TRPC3: variants seen among roughly 807,000 people sequenced by gnomAD.
TRPC3 encodes the protein transient receptor potential cation channel subfamily C member 3.
In TRPC3, 54 loss-of-function variants were observed where a neutral mutation model predicts 90.9. The ratio of observed to expected loss-of-function variants is 0.59; its 90% CI spans 0.48 to 0.75. The LOEUF (loss-of-function observed/expected upper bound fraction) is 0.75, where lower values mean the gene tolerates loss of function less well. TRPC3 is among the 30% of genes least tolerant of loss of function. TRPC3 has a pLI of 0.00. For synonymous variants in TRPC3, 424 were observed against 450.9 expected, an observed-to-expected ratio of 0.94 and a Z score of 0.75; for missense variants, 918 against 1,194.5, an observed-to-expected ratio of 0.77 and a Z score of 3.41.
At chr4:121,949,941 T>G (rs1730627563) in intron 1 of TRPC3, among the ~76,000 whole-genome samples, 1 of 152,146 alleles carries the variant, frequency 6.6e-6, no homozygotes, top group African/African-American at 2.4e-5. Context: ...TAGTCAGGAT[T>G]TAAGGTTTTT....
intron 3 of TRPC3, among the ~76,000 whole-genome samples, chr4:121,921,820 G>A (rs1034816752): frequency 2.0e-5 from 3 of 152,024 alleles, no homozygotes; most frequent in African/African-American, 7.2e-5. Flanking sequence ...AAAGGAAGCA[G>A]CAGGAGTGGG....
chr4:121,891,645 C>G (rs1370930532), intron 10 of TRPC3, among the ~76,000 whole-genome samples: 3 of 152,148 alleles, frequency 2.0e-5, no homozygotes, highest in African/African-American at 2.4e-5. Flanking sequence ...TTCCTCTCCC[C>G]CTCCCAGATT....
intron 2 of TRPC3, among the ~76,000 whole-genome samples, chr4:121,928,030 G>A (rs992770562): frequency 6.6e-6 from 1 of 151,988 alleles, no homozygotes; most frequent in Non-Finnish European, 1.5e-5. Context: ...CTTCAGTTCA[G>A]ACTGTTCTGT....
Position 121,925,103 on chromosome 4 carries a change from A to C in TRPC3, c.1091T>G (p.Leu364Arg), listed in dbSNP as rs1388924258. ...TACCTCCAGAGGCTCTGCTGATTCC[A>C]GATCTCCATTCAGAATGGCTTCTAC... ...EEVEAILNGD[L>R]ESAEPLEVHR... Residue 364 changes from leucine (L) to arginine (R), a missense_variant, in exon 3 of 12, where the codon CTG (leucine) becomes CGG (arginine). By Grantham distance (102) the Leu-to-Arg change is moderately radical. Coordinates refer to ENST00000379645, the MANE Select transcript of TRPC3 (RefSeq NM_001130698.2). 2 of 1,614,136 alleles carry C rather than the reference A, an allele frequency of 1.2e-6. No homozygotes were observed. The highest frequency in any genetic ancestry group is 3.3e-5 in the Admixed American group (2 of 60,020).
chr4:121,948,850 TG>T (rs76932992), intron 1 of TRPC3, among the ~76,000 whole-genome samples: 3 of 137,138 alleles, frequency 2.2e-5, no homozygotes, highest in African/African-American at 2.7e-5. Context: ...GTTTTTTTTT[TG>T]TTTTTTTGTT....
intron 3 of TRPC3, among the ~76,000 whole-genome samples, chr4:121,918,515 C>G (rs956776560): frequency 1.3e-5 from 2 of 152,178 alleles, no homozygotes; most frequent in Non-Finnish European, 2.9e-5. Flanking sequence ...CTCAATCCTT[C>G]CCATATGGCA....
At chr4:121,921,521 C>CAAAA (rs536564094) in intron 3 of TRPC3, among the ~76,000 whole-genome samples, 15 of 56,872 alleles carry the variant, frequency 2.6e-4, no homozygotes, top group African/African-American at 3.1e-4. Flanking sequence ...GACTCCGTCT[C>CAAAA]AAAAAAAAAA....
intron 3 of TRPC3, among the ~76,000 whole-genome samples, chr4:121,921,292 G>A (rs1463977960): frequency 6.6e-6 from 1 of 151,942 alleles, no homozygotes; most frequent in Non-Finnish European, 1.5e-5. Context: ...GGAGGCCGAG[G>A]CGGGCGGATC....
intron 10 of TRPC3, among the ~76,000 whole-genome samples, chr4:121,895,687 A>G (rs1475687098): frequency 6.6e-6 from 1 of 152,122 alleles, no homozygotes; most frequent in Non-Finnish European, 1.5e-5. Context: ...AGATTAAATG[A>G]GTGCATAAAA....
chr4:121,883,092 A>C (rs1456106155), intron 10 of TRPC3, among the ~76,000 whole-genome samples: 1 of 152,122 alleles, frequency 6.6e-6, no homozygotes, highest in East Asian at 1.9e-4. Flanking sequence ...ACCCATATGG[A>C]AAAAATTAAA....
rs1728639701 is a variant in TRPC3 at position 121,899,702 on chromosome 4, A to G, written c.2464-7T>C. ...ACTGAGTGAAGAGGTTTAACTAGGAAAAAATACAATTAACCTAGTAAATTA... is the reference window on the plus strand; with the variant it reads ...ACTGAGTGAAGAGGTTTAACTAGGAGAAAATACAATTAACCTAGTAAATTA... On this transcript the variant is annotated splice_polypyrimidine_tract_variant and splice_region_variant and intron_variant, in intron 9 of 11. Transcript: ENST00000379645. 1.3e-6 allele frequency: 2 copies of G among 1,596,564 alleles called. No homozygotes were observed. Among genetic ancestry groups the G allele is most frequent in the African/African-American group, 1.3e-5 (1 of 74,644 alleles).
intron 5 of TRPC3, among the ~76,000 whole-genome samples, chr4:121,910,858 T>C (rs1355785164): frequency 1.3e-5 from 2 of 152,184 alleles, no homozygotes; most frequent in African/African-American, 2.4e-5. Context: ...ATGATACTCA[T>C]ATCACACTCT....
chr4:121,930,800 A>C (rs1729877198), intron 2 of TRPC3: 1 of 381,616 alleles, frequency 2.6e-6, no homozygotes, highest in African/African-American at 2.2e-5. Context: ...CTCTAAACGG[A>C]ATTTGGAGTT....
intron 10 of TRPC3, among the ~76,000 whole-genome samples, chr4:121,895,762 C>T (rs1435555725): frequency 6.6e-5 from 10 of 151,952 alleles, no homozygotes; most frequent in Admixed American, 5.2e-4. Context: ...TCTACTGAAC[C>T]TTTAAAGAAG....
chr4:121,918,846 A>G (rs1489026964), intron 3 of TRPC3, among the ~76,000 whole-genome samples: 2 of 152,244 alleles, frequency 1.3e-5, no homozygotes, highest in African/African-American at 4.8e-5. Context: ...AGTGAAGGCA[A>G]AAAAGCTAAT....
At chr4:121,891,123 G>A (rs1157569674) in intron 10 of TRPC3, among the ~76,000 whole-genome samples, 9 of 152,050 alleles carry the variant, frequency 5.9e-5, no homozygotes, top group African/African-American at 1.9e-4. Context: ...TAAAACCTCC[G>A]GTCAACTATA....
chr4:121,914,110 C>T (rs1003200728), intron 4 of TRPC3, among the ~76,000 whole-genome samples: 3 of 152,160 alleles, frequency 2.0e-5, no homozygotes, highest in Non-Finnish European at 4.4e-5. Context: ...TTGGGCACAA[C>T]TAAATTGATT....
chr4:121,947,470 C>T (rs1203527905), intron 1 of TRPC3, among the ~76,000 whole-genome samples: 1 of 152,080 alleles, frequency 6.6e-6, no homozygotes, highest in Admixed American at 6.6e-5. Context: ...AGACCAGTGC[C>T]ACAGAAACTA....
intron 10 of TRPC3, among the ~76,000 whole-genome samples, chr4:121,888,245 A>C (rs1728200259): frequency 6.6e-6 from 1 of 152,154 alleles, no homozygotes; most frequent in Non-Finnish European, 1.5e-5. Flanking sequence ...GTTTTGGAGA[A>C]AAAAACCCTC....
Sources: gnomAD v4.1 joint callset for allele counts (sites outside exome capture counted in the v4.1 genomes callset) on GRCh38, gnomAD v4.1.1 for gene constraint, MANE v1.5 for transcripts, NCBI Gene and HGNC (gene_info 2026-07-23, HGNC 2026-07-21) for gene names.